Variants in MYH2 observed in about 807,000 individuals in gnomAD.
MYH2 encodes myosin-2.
Under a neutral mutation model 228.1 loss-of-function variants are expected in MYH2, and 139 were observed. That is an observed-to-expected ratio of 0.61 (90% CI 0.53 to 0.70). The LOEUF is 0.70. Among genes scored for constraint, MYH2 ranks in the 30% least tolerant of loss-of-function variants. The pLI, the probability that MYH2 is intolerant of heterozygous loss-of-function variation, is 0.00. For synonymous variants in MYH2, 796 were observed against 871.1 expected, an observed-to-expected ratio of 0.91 and a Z score of 1.52; for missense variants, 1,809 against 2,357.5, an observed-to-expected ratio of 0.77 and a Z score of 4.82.
chr17:10,536,688 G>A (rs542454115), intron 16 of MYH2, 82 bp from the exon 17 acceptor site: 12 of 1,316,876 alleles, frequency 9.1e-6, no homozygotes, highest in Middle Eastern at 1.9e-4. Context: ...TGTGTTCATC[G>A]AGTGGAGCCT....
At position 10,523,863 on chromosome 17, in the gene MYH2, T is replaced by C; in HGVS notation, c.5197A>G (p.Lys1733Glu). 1 of 1,613,926 alleles carries C rather than the reference T, an allele frequency of 6.2e-7. No homozygotes were observed. The highest frequency in any genetic ancestry group is 8.5e-7 in the Non-Finnish European group (1 of 1,179,792). ...GAAATATCTGTCTCCAGCTTCTTCT[T>C]GGTGTTGATCAGGCTGGTGTTCTGT... Reference protein sequence around the residue: ...HTQNTSLINTKKKLETDISQM... With the variant: ...HTQNTSLINTEKKLETDISQM... Residue 1733 changes from lysine to glutamate, a missense_variant, in exon 36 of 40, where the codon AAG (lysine) becomes GAG (glutamate). Lys to Glu is a moderately conservative substitution (Grantham distance 56). This residue lies in a region of MYH2 where 278 missense variants were observed against 308.5 expected (regional missense o/e 0.90). Transcript: ENST00000245503.
At chr17:10,538,312 GA>G (rs34429660) in intron 14 of MYH2, among the ~76,000 whole-genome samples, 13,116 of 136,030 alleles carry the variant, frequency 0.096, 739 homozygotes, top group African/African-American at 0.17. Flanking sequence ...AATGTGAAAT[GA>G]AAAAAAAAAA....
In MYH2 at chr17:10,543,692, G is replaced by T. The variant is rs768745589; in HGVS notation, c.741+19C>A. ...TTTGACCAGTGAACAGCATCTATTA[G>T]CGTGTCCAAGAGACTTACAAAGCGA... On this transcript the variant is annotated intron_variant, in intron 8 of 39. Coordinates refer to ENST00000245503, the MANE Select transcript of MYH2 (RefSeq NM_017534.6). 2 of 1,613,814 alleles carry T rather than the reference G, an allele frequency of 1.2e-6. No homozygotes were observed. Among genetic ancestry groups the T allele is most frequent in the South Asian group, 2.2e-5 (2 of 91,078 alleles).
chr17:10,544,230 G>A (rs1367408817), intron 5 of MYH2, 103 bp from the exon 6 acceptor site: 17 of 1,427,220 alleles, frequency 1.2e-5, no homozygotes, highest in Non-Finnish European at 1.5e-5. Flanking sequence ...TCTGGACTTT[G>A]CAACCTTTAG....
rs143988052 is a variant in MYH2 at position 10,528,849 on chromosome 17, C to T, written c.3585G>A (p.Ala1195=). 203 of 1,614,208 alleles carry T rather than the reference C, an allele frequency of 1.3e-4. No individual in the cohort carries two copies. The African/African-American group carries it at 2.1e-3, about 16-fold the overall frequency. The change falls in exon 27 of 40, where the codon GCG becomes GCA. Residue 1195 remains alanine (A), a synonymous_variant. Transcript: ENST00000245503. ...CTGCATGCTTCTTCCTCAGGGTGGC[C>T]GCTGTGGCTTCATGCTGTAGGGTGG... ...EEATLQHEAT[A]ATLRKKHADS...
intron 2 of MYH2, among the ~76,000 whole-genome samples, chr17:10,548,266 G>T (rs1287744516): frequency 6.6e-6 from 1 of 152,154 alleles, no homozygotes; most frequent in African/African-American, 2.4e-5. Context: ...ATGTTTTTGA[G>T]CCTAAGTGAC....
Position 10,527,878 on chromosome 17 carries a change from T to A in MYH2, c.3745-4A>T, listed in dbSNP as rs1339984001. The A allele has an allele frequency of 1.9e-6, 3 of 1,612,698 alleles. No homozygotes were observed. The highest frequency in any genetic ancestry group is 2.5e-6 in the Non-Finnish European group (3 of 1,179,958). ...GGCACATTTTCTCTAGGTTTCCCTA[T>A]AGAAGAAAAAGTAAAAGAAGAAAAC... On this transcript the variant is annotated splice_region_variant and splice_polypyrimidine_tract_variant and intron_variant, in intron 27 of 39. Transcript: ENST00000245503.
Position 10,533,673 on chromosome 17 carries a change from T to A in MYH2, c.2181-41A>T, listed in dbSNP as rs755453925. The A allele has an allele frequency of 1.2e-5, 20 of 1,605,096 alleles. No homozygotes were observed. In the South Asian group the frequency reaches 2.0e-4, roughly 16 times the overall value. On this transcript the variant is annotated intron_variant, in intron 19 of 39. Transcript: ENST00000245503. ...TAGCTTTTAACAACTAGTTTACTGATGACACAAATGCTAGCTAAACATTAA... is the reference window on the plus strand; with the variant it reads ...TAGCTTTTAACAACTAGTTTACTGAAGACACAAATGCTAGCTAAACATTAA...
At chr17:10,543,401 A>G (rs34507957) in intron 8 of MYH2, among the ~76,000 whole-genome samples, 2 of 152,184 alleles carry the variant, frequency 1.3e-5, no homozygotes, top group African/African-American at 4.8e-5. Flanking sequence ...TAATCATTCC[A>G]TAATATACAC....
chr17:10,544,182 T>C (rs2073596780), intron 5 of MYH2, 55 bp from the exon 6 acceptor site: 7 of 1,585,048 alleles, frequency 4.4e-6, no homozygotes, highest in Admixed American at 1.7e-5. Context: ...TTGTAAATGA[T>C]AAGTAAAGTA....
In MYH2 at chr17:10,539,574, A is replaced by G. The variant is rs2073526339; in HGVS notation, c.1148-12T>C. ...CGCCTTGTCAGCAACTAAAAAGAAG[A>G]AAGAGTAGAACAATGTTATTGTGGC... On this transcript the variant is annotated splice_polypyrimidine_tract_variant and intron_variant, in intron 12 of 39. Transcript: ENST00000245503. 1 of 1,602,166 alleles carries G rather than the reference A, an allele frequency of 6.2e-7. No homozygotes were observed. The highest frequency in any genetic ancestry group is 1.3e-5 in the African/African-American group (1 of 74,646).
Position 10,537,604 on chromosome 17 carries a change from A to G in MYH2, c.1587+61T>C. The G allele has an allele frequency of 6.2e-7, 1 of 1,614,218 alleles. No homozygotes were observed. Among genetic ancestry groups the G allele is most frequent in the Non-Finnish European group, 8.5e-7 (1 of 1,180,026 alleles). Reference sequence around the variant, plus strand: ...TTTTTTTTTCTGTCTATAGAATTAAAATAAAAAGCAGCGAATAATATAGTT... The same window carrying G: ...TTTTTTTTTCTGTCTATAGAATTAAGATAAAAAGCAGCGAATAATATAGTT... On this transcript the variant is annotated intron_variant, in intron 15 of 39. Transcript: ENST00000245503. The surrounding 1 kb of genome is among the most constrained non-coding windows in gnomAD (Gnocchi z 4.0).
rs777843938 is a variant in MYH2 at position 10,530,080 on chromosome 17, G to T, written c.2698-6C>A. The stretch of plus-strand genomic sequence containing the variant: ...TCAGCCAAGCCTTCGGCTTCCTTAA[G>T]TTGGAAACAAGATCAAAATTGGGAA... On this transcript the variant is annotated splice_region_variant and splice_polypyrimidine_tract_variant and intron_variant, in intron 22 of 39. Coordinates refer to ENST00000245503, the MANE Select transcript of MYH2 (RefSeq NM_017534.6). The T allele has an allele frequency of 1.2e-6, 2 of 1,614,086 alleles. No individual in the cohort carries two copies. Among genetic ancestry groups the T allele is most frequent in the African/African-American group, 1.3e-5 (1 of 74,928 alleles).
In MYH2 at chr17:10,524,337, A is replaced by T; in HGVS notation, c.5175+129T>A. The stretch of plus-strand genomic sequence containing the variant: ...AAAGATTTCTCAGTAATGCAGAATT[A>T]CTATTCTGTATTATTTGAAAAGAAA... On this transcript the variant is annotated intron_variant, in intron 35 of 39. Coordinates refer to ENST00000245503, the MANE Select transcript of MYH2 (RefSeq NM_017534.6). This position sits in a 1 kb window ranked among gnomAD's most constrained non-coding sequence, Gnocchi z 4.7. 1.7e-6 allele frequency: 2 copies of T among 1,202,358 alleles called. No homozygotes were observed. Among genetic ancestry groups the T allele is most frequent in the Non-Finnish European group, 2.4e-6 (2 of 824,090 alleles). 74.5% of individuals were successfully genotyped at this position (1,202,358 alleles called of 1,614,324 possible).
intron 27 of MYH2, among the ~76,000 whole-genome samples, chr17:10,528,350 A>G (rs2073380481): frequency 6.6e-6 from 1 of 152,122 alleles, no homozygotes. Context: ...AAAATACTTC[A>G]TTGCCTTTAT....
In MYH2 at chr17:10,533,555, G is replaced by A; in HGVS notation, c.2258C>T (p.Ala753Val). Residue 753 changes from alanine to valine, a missense_variant, in exon 20 of 40, where the codon GCA (alanine) becomes GTA (valine). Around this residue, in one of 9 missense-constraint regions of MYH2, gnomAD observed 276 missense variants for 344.2 expected, o/e 0.80. Coordinates refer to ENST00000245503, the MANE Select transcript of MYH2 (RefSeq NM_017534.6). Reference protein sequence around the residue: ...DSKKASEKLLASIDIDHTQYK... With the variant: ...DSKKASEKLLVSIDIDHTQYK... ...CTGGGTGTGGTCAATGTCGATGGATGCAAGGAGCTTCTCAGAGGCCTTCTT... is the reference window on the plus strand; with the variant it reads ...CTGGGTGTGGTCAATGTCGATGGATACAAGGAGCTTCTCAGAGGCCTTCTT... 6.2e-7 allele frequency: 1 copy of A among 1,614,170 alleles called. No homozygotes were observed. Among genetic ancestry groups the A allele is most frequent in the Non-Finnish European group, 8.5e-7 (1 of 1,179,994 alleles).
rs753664961 is a variant in MYH2, at chr17:10,531,794, A to C, written c.2536T>G (p.Leu846Val). The C allele has an allele frequency of 3.1e-6, 5 of 1,614,170 alleles. No homozygotes were observed. Among genetic ancestry groups the C allele is most frequent in the Non-Finnish European group, 3.4e-6 (4 of 1,180,024 alleles). ...MKLFFKIKPL[L>V]KSAETEKEMA... is the part of the protein sequence containing the mutation. The stretch of plus-strand genomic sequence containing the variant: ...TCCTTCTCAGTTTCTGCACTCTTCA[A>C]CAGAGGCTTGATCTTGAAGAAGAGT... The change falls in exon 22 of 40, where the codon TTG becomes GTG. Residue 846 changes from leucine to valine, a missense_variant. Physicochemically the swap from Leu to Val is conservative, Grantham distance 32 (BLOSUM62 1). Coordinates refer to ENST00000245503, the MANE Select transcript of MYH2 (RefSeq NM_017534.6).
chr17:10,532,652 A>G (rs527240737), intron 21 of MYH2, among the ~76,000 whole-genome samples: 2 of 152,340 alleles, frequency 1.3e-5, no homozygotes, highest in South Asian at 4.1e-4. Context: ...GTATATGTGT[A>G]GATGTATAGG....
At position 10,523,148 on chromosome 17, in the gene MYH2, T is replaced by G; in HGVS notation, c.5615A>C (p.Asp1872Ala). Reference protein sequence around the residue: ...EDRKNILRLQDLVDKLQAKVK... With the variant: ...EDRKNILRLQALVDKLQAKVK... ...TTTTGCCTGAAGTTTATCTACCAAA[T>G]CTTGAAGCCTGAGAATATTCTTTCT... Residue 1872 changes from aspartate (D) to alanine (A), a missense_variant, in exon 39 of 40, where the codon GAT becomes GCT. Physicochemically the swap from Asp to Ala is moderately radical, Grantham distance 126 (BLOSUM62 -2). Transcript: ENST00000245503. The G allele has an allele frequency of 6.2e-7, 1 of 1,614,086 alleles. No homozygotes were observed. The highest frequency in any genetic ancestry group is 8.5e-7 in the Non-Finnish European group (1 of 1,179,924).
Sources: gnomAD v4.1 joint callset for allele counts (sites outside exome capture counted in the v4.1 genomes callset) on GRCh38, gnomAD v4.1.1 for gene constraint, gnomAD v4.1.1 regional missense constraint, Gnocchi (gnomAD v3.1) non-coding constraint, MANE v1.5 for transcripts, NCBI Gene and HGNC (gene_info 2026-07-23, HGNC 2026-07-21) for gene names.